Variants in CCDC178 observed in about 807,000 individuals in gnomAD.
The protein encoded by CCDC178 is coiled-coil domain containing 178.
Under a neutral mutation model 117.4 loss-of-function variants are expected in CCDC178, and 126 were observed. That is an observed-to-expected ratio of 1.07 (90% confidence interval 0.93 to 1.24). The LOEUF is 1.24. CCDC178 is among the 50% of genes most tolerant of loss of function. CCDC178 has a pLI of 0.00. For missense variants in CCDC178, 1,030 were observed against 986.9 expected (o/e 1.04, Z -0.59); for synonymous variants, 283 against 313.4 (o/e 0.90, Z 1.02).
chr18:33,400,511 T>C (rs962162930), intron 3 of CCDC178, among the ~76,000 whole-genome samples: 1 of 152,230 alleles, frequency 6.6e-6, no homozygotes, highest in Non-Finnish European at 1.5e-5. Context: ...TGCTTCACTG[T>C]GCACTTTCAT....
intron 21 of CCDC178, among the ~76,000 whole-genome samples, chr18:33,086,445 C>CACACAT (rs1183185288): frequency 2.9e-4 from 43 of 148,306 alleles, no homozygotes; most frequent in Middle Eastern, 3.6e-3. Context: ...CACACACACA[C>CACACAT]ATATATATAT....
At chr18:33,283,289 A>G (rs534646416) in intron 12 of CCDC178, among the ~76,000 whole-genome samples, 14 of 152,166 alleles carry the variant, frequency 9.2e-5, no homozygotes, top group Non-Finnish European at 1.9e-4. Context: ...TTAAGTATAA[A>G]TTAAACCCCC....
intron 11 of CCDC178, among the ~76,000 whole-genome samples, chr18:33,312,825 A>T (rs2062360951): frequency 6.6e-6 from 1 of 152,186 alleles, no homozygotes. Flanking sequence ...AATGTTGAAG[A>T]TGTTTAACAG....
chr18:33,293,554 A>G (rs1000241825), intron 11 of CCDC178, among the ~76,000 whole-genome samples: 1 of 152,000 alleles, frequency 6.6e-6, no homozygotes, highest in Non-Finnish European at 1.5e-5. Flanking sequence ...AGTCCCATCT[A>G]CTTAGTAGGC....
intron 19 of CCDC178, among the ~76,000 whole-genome samples, chr18:33,215,096 T>A (rs1422093444): frequency 5.3e-5 from 8 of 151,978 alleles, no homozygotes; most frequent in African/African-American, 1.7e-4. Context: ...CCCCGACTCA[T>A]GAGGTGACTG....
At chr18:33,083,064 A>G (rs1411615862) in intron 21 of CCDC178, among the ~76,000 whole-genome samples, 1 of 152,230 alleles carries the variant, frequency 6.6e-6, no homozygotes, top group Non-Finnish European at 1.5e-5. Context: ...TAACTGAAAT[A>G]CATGTAGAAC....
chr18:33,181,621 AT>A (rs1364770543), intron 20 of CCDC178, among the ~76,000 whole-genome samples: 1 of 151,890 alleles, frequency 6.6e-6, no homozygotes, highest in Non-Finnish European at 1.5e-5. Context: ...CTGTTCAGTG[AT>A]TTTTAATACA....
At chr18:32,973,674 C>A (rs1243843982) in intron 22 of CCDC178, among the ~76,000 whole-genome samples, 1 of 152,026 alleles carries the variant, frequency 6.6e-6, no homozygotes, top group Non-Finnish European at 1.5e-5. Flanking sequence ...GCAAAATCTT[C>A]CTTTACTTGA....
At chr18:32,982,137 T>TA (rs1568196332) in intron 21 of CCDC178, among the ~76,000 whole-genome samples, 1 of 152,108 alleles carries the variant, frequency 6.6e-6, no homozygotes, top group Non-Finnish European at 1.5e-5. Flanking sequence ...ACACTTTGGA[T>TA]AAAATTAAAT....
chr18:33,119,033 TAATTAAAGATG>T (rs2057898956), intron 20 of CCDC178, among the ~76,000 whole-genome samples: 1 of 152,086 alleles, frequency 6.6e-6, no homozygotes. Flanking sequence ...ATACAAAAAT[TAATTAAAGATG>T]AATTAAAGAC....
intron 20 of CCDC178, among the ~76,000 whole-genome samples, chr18:33,211,360 T>C (rs17752761): frequency 0.03 from 4,508 of 151,920 alleles, 93 homozygotes; most frequent in East Asian, 0.11. Context: ...AAACATTTTA[T>C]AGGTATAGCT....
chr18:33,017,107 A>C (rs993198182), intron 21 of CCDC178, among the ~76,000 whole-genome samples: 1 of 151,934 alleles, frequency 6.6e-6, no homozygotes, highest in Non-Finnish European at 1.5e-5. Context: ...ACATGGAGAA[A>C]TTAGGCTGGA....
intron 14 of CCDC178, among the ~76,000 whole-genome samples, chr18:33,246,496 C>T (rs965573051): frequency 6.6e-6 from 1 of 151,692 alleles, no homozygotes; most frequent in Admixed American, 6.6e-5. Flanking sequence ...TGATGATGAG[C>T]TGCATTGATC....
In CCDC178 at chr18:32,938,078, T is replaced by G; in HGVS notation, c.2537A>C (p.Asn846Thr). Reference protein sequence around the residue: ...KILAVQEESSNLMQHILGFFQ... With the variant: ...KILAVQEESSTLMQHILGFFQ... ...GAAACCTAAGATGTGTTGCATTAAATTTGAAGATTCCTCCTGTTCAGAAGC... is the reference window on the plus strand; with the variant it reads ...GAAACCTAAGATGTGTTGCATTAAAGTTGAAGATTCCTCCTGTTCAGAAGC... The change falls in exon 23 of 23, where the codon AAT becomes ACT. Residue 846 changes from asparagine (N) to threonine (T), a missense_variant. Coordinates refer to ENST00000383096, the MANE Select transcript of CCDC178 (RefSeq NM_001105528.4). 1.2e-6 allele frequency: 2 copies of G among 1,613,170 alleles called. No homozygotes were observed. The highest frequency in any genetic ancestry group is 1.7e-6 in the Non-Finnish European group (2 of 1,179,170).
At chr18:33,338,949 T>C (rs192350245) in intron 9 of CCDC178, among the ~76,000 whole-genome samples, 1 of 152,262 alleles carries the variant, frequency 6.6e-6, no homozygotes, top group Admixed American at 6.5e-5. Flanking sequence ...ACAGAAGTTT[T>C]TATGAAAATT....
Position 33,092,849 on chromosome 18 carries a change from T to C in CCDC178, c.2300A>G (p.Gln767Arg), listed in dbSNP as rs1598875175. 2 of 1,586,168 alleles carry C rather than the reference T, an allele frequency of 1.3e-6. No homozygotes were observed. Among genetic ancestry groups the C allele is most frequent in the Non-Finnish European group, 1.7e-6 (2 of 1,163,426 alleles). ...GTCCTTTTCTTTTAAGAATGTAATC[T>C]GTAGCTGTTGATACTCTTGAGCTAA... ...LRLAQEYQQL[Q>R]ITFLKEKDNY... The change falls in exon 21 of 23, where the codon CAG becomes CGG. Residue 767 changes from glutamine to arginine, a missense_variant. Physicochemically the swap from Gln to Arg is conservative, Grantham distance 43 (BLOSUM62 1). Transcript: ENST00000383096.
At chr18:33,244,623 C>A (rs1157741937) in intron 15 of CCDC178, among the ~76,000 whole-genome samples, 1 of 151,868 alleles carries the variant, frequency 6.6e-6, no homozygotes, top group Non-Finnish European at 1.5e-5. Flanking sequence ...CCTCCCCAGC[C>A]ATGCAGAACT....
At chr18:33,368,665 A>G (rs2063253398) in intron 6 of CCDC178, among the ~76,000 whole-genome samples, 2 of 151,930 alleles carry the variant, frequency 1.3e-5, no homozygotes, top group African/African-American at 4.8e-5. Flanking sequence ...GGGTGTGTGA[A>G]TCCCAATTCT....
intron 11 of CCDC178, among the ~76,000 whole-genome samples, chr18:33,295,348 T>A (rs1322284850): frequency 1.3e-5 from 2 of 152,134 alleles, no homozygotes; most frequent in Non-Finnish European, 2.9e-5. Context: ...ACCTATAATA[T>A]TTTTAGAAAA....
Sources: gnomAD v4.1 joint callset for allele counts (sites outside exome capture counted in the v4.1 genomes callset) on GRCh38, gnomAD v4.1.1 for gene constraint, MANE v1.5 for transcripts, NCBI Gene and HGNC (gene_info 2026-07-23, HGNC 2026-07-21) for gene names.